RAP1A: variants seen among roughly 807,000 people sequenced by gnomAD.
RAP1A encodes the protein ras-related protein Rap-1A.
In RAP1A, 6 loss-of-function variants were observed where a neutral mutation model predicts 26.4. The observed-to-expected ratio is 0.23, with a 90% CI of 0.12 to 0.45. The LOEUF (loss-of-function observed/expected upper bound fraction) is 0.45, where lower values mean the gene tolerates loss of function less well. Ranked by LOEUF, RAP1A falls within the 20% of genes least tolerant of loss-of-function variation. The pLI is 0.99. For synonymous variants in RAP1A, 73 were observed against 79.4 expected, an observed-to-expected ratio of 0.92 and a Z score of 0.43; for missense variants, 121 against 217.2, an observed-to-expected ratio of 0.56 and a Z score of 2.78.
chr1:111,666,897 T>G (rs1441370099), intron 1 of RAP1A, among the ~76,000 whole-genome samples: 1 of 148,724 alleles, frequency 6.7e-6, no homozygotes, highest in African/African-American at 2.5e-5. Context: ...TTTAAGAAAC[T>G]GAAAGATGGC....
At chr1:111,664,045 G>T (rs1660714942) in intron 1 of RAP1A, among the ~76,000 whole-genome samples, 1 of 152,012 alleles carries the variant, frequency 6.6e-6, no homozygotes, top group South Asian at 2.1e-4. Flanking sequence ...AAGTTCATAG[G>T]ATGTCATAGA....
intron 1 of RAP1A, among the ~76,000 whole-genome samples, chr1:111,592,530 G>A (rs1189908841): frequency 3.3e-5 from 5 of 152,208 alleles, no homozygotes; most frequent in Non-Finnish European, 5.9e-5. Flanking sequence ...TGACAGTCCT[G>A]TAACTGCACC....
chr1:111,665,532 T>C (rs1299451866), intron 1 of RAP1A, among the ~76,000 whole-genome samples: 1 of 152,216 alleles, frequency 6.6e-6, no homozygotes, highest in African/African-American at 2.4e-5. Flanking sequence ...GTTTACAAAT[T>C]TTTTGTTTGT....
intron 6 of RAP1A, chr1:111,706,904 T>C: frequency 4.7e-6 from 1 of 211,506 alleles, no homozygotes; most frequent in Non-Finnish European, 8.2e-6. Context: ...CTTGTAATTT[T>C]TATTAACTTA....
intron 1 of RAP1A, among the ~76,000 whole-genome samples, chr1:111,598,633 C>T (rs980710075): frequency 2.0e-5 from 3 of 152,158 alleles, no homozygotes; most frequent in African/African-American, 2.4e-5. Flanking sequence ...CACACCACAA[C>T]AATCATCGCA....
At chr1:111,656,367 A>G (rs763085316) in intron 1 of RAP1A, among the ~76,000 whole-genome samples, 5 of 152,216 alleles carry the variant, frequency 3.3e-5, no homozygotes, top group Admixed American at 1.3e-4. Flanking sequence ...TGTTTGATTA[A>G]TAAGTATCTA....
chr1:111,569,364 A>G (rs1466959624), intron 1 of RAP1A, among the ~76,000 whole-genome samples: 1 of 142,508 alleles, frequency 7.0e-6, no homozygotes, highest in Non-Finnish European at 1.5e-5. Context: ...GCACCATTGC[A>G]CTCCAGACAG....
chr1:111,575,158 T>TC, intron 1 of RAP1A, among the ~76,000 whole-genome samples: 1 of 152,044 alleles, frequency 6.6e-6, no homozygotes, highest in African/African-American at 2.4e-5. Flanking sequence ...TTTCTTTCTT[T>TC]TTTTTTTTGA....
chr1:111,589,773 G>GGTGTGTA (rs1305769620), intron 1 of RAP1A, among the ~76,000 whole-genome samples: 3 of 152,036 alleles, frequency 2.0e-5, no homozygotes, highest in Non-Finnish European at 4.4e-5. Context: ...GTACAGTGGT[G>GGTGTGTA]CTATCATGGC....
At chr1:111,680,582 G>A (rs1187122983) in intron 1 of RAP1A, 1 of 152,604 alleles carries the variant, frequency 6.6e-6, no homozygotes, top group African/African-American at 2.4e-5. Flanking sequence ...AGTCCAGCTG[G>A]CTTCACCTCT....
At chr1:111,636,565 C>A (rs1171993220) in intron 1 of RAP1A, among the ~76,000 whole-genome samples, 1 of 151,286 alleles carries the variant, frequency 6.6e-6, no homozygotes, top group East Asian at 1.9e-4. Context: ...CTCACTGCAA[C>A]CTCCACCTCC....
At chr1:111,542,226 C>A (rs941754791) in exon 1 of RAP1A, 1 of 603,620 alleles carries the variant, frequency 1.7e-6, no homozygotes, top group African/African-American at 1.9e-5. Flanking sequence ...ACATCCTTCG[C>A]GTACTGACGG....
intron 1 of RAP1A, among the ~76,000 whole-genome samples, chr1:111,573,598 G>A (rs1039366017): frequency 6.6e-6 from 1 of 152,126 alleles, no homozygotes; most frequent in African/African-American, 2.4e-5. Flanking sequence ...GCCTCCCAAA[G>A]TGCTGGGATT....
At chr1:111,621,953 T>A (rs1422966847) in intron 1 of RAP1A, among the ~76,000 whole-genome samples, 1 of 152,196 alleles carries the variant, frequency 6.6e-6, no homozygotes, top group Non-Finnish European at 1.5e-5. Flanking sequence ...TATACGTTGT[T>A]CCTGTAGTCC....
chr1:111,713,299 T>C lies in RAP1A; in HGVS notation c.*898T>C, dbSNP rs1232378536. The C allele has an allele frequency of 6.6e-6, 1 of 152,188 alleles. No individual in the cohort carries two copies. The highest frequency in any genetic ancestry group is 1.5e-5 in the Non-Finnish European group (1 of 67,994). 9.4% of individuals were successfully genotyped at this position (152,188 alleles called of 1,614,324 possible). ...TCGCACTTTCTGTTCTAAATATATT[T>C]ATTCCTACTATACAGTAAAATACAT... is the stretch of plus-strand genomic sequence containing the variant. On this transcript the variant is annotated 3_prime_UTR_variant, in exon 8 of 8. Transcript: ENST00000369709.
intron 1 of RAP1A, among the ~76,000 whole-genome samples, chr1:111,637,301 A>T (rs775157596): frequency 1.3e-5 from 2 of 152,218 alleles, no homozygotes; most frequent in Non-Finnish European, 2.9e-5. Flanking sequence ...AACTCAAGTA[A>T]TACCAAGTTC....
chr1:111,553,625 TC>T (rs1657364192), intron 1 of RAP1A, among the ~76,000 whole-genome samples: 1 of 152,208 alleles, frequency 6.6e-6, no homozygotes, highest in African/African-American at 2.4e-5. Flanking sequence ...TCAGACTCCT[TC>T]CTACCTACTC....
chr1:111,559,671 T>A (rs565695611), intron 1 of RAP1A, among the ~76,000 whole-genome samples: 1 of 152,308 alleles, frequency 6.6e-6, no homozygotes, highest in Admixed American at 6.5e-5. Flanking sequence ...TTATTATTAT[T>A]AATATTTAAA....
chr1:111,650,093 C>CTTTTTTTTTTTTTTTTTTTTTTTTTTTGT (rs57681662), intron 1 of RAP1A, among the ~76,000 whole-genome samples: 1 of 75,850 alleles, frequency 1.3e-5, no homozygotes, highest in Non-Finnish European at 2.4e-5. Flanking sequence ...TGGTAGAGTG[C>CTTTTTTTTTTTTTTTTTTTTTTTTTTTGT]TTTTTTTTTT....
Sources: gnomAD v4.1 joint callset for allele counts (sites outside exome capture counted in the v4.1 genomes callset) on GRCh38, gnomAD v4.1.1 for gene constraint, MANE v1.5 for transcripts, NCBI Gene and HGNC (gene_info 2026-07-23, HGNC 2026-07-21) for gene names.